Variants in CSMD2 observed in about 807,000 individuals in gnomAD.
CSMD2 encodes CUB and sushi domain-containing protein 2.
A neutral mutation model predicts 398.5 loss-of-function variants in CSMD2; 130 were observed. The ratio of observed to expected loss-of-function variants is 0.33; its 90% CI spans 0.28 to 0.38. The LOEUF (loss-of-function observed/expected upper bound fraction) is 0.38, where lower values mean the gene tolerates loss of function less well. CSMD2 is among the 10% of genes least tolerant of loss of function. The pLI, the probability that CSMD2 is intolerant of heterozygous loss-of-function variation, is 1.00. For synonymous variants in CSMD2, 1,828 were observed against 1,908.5 expected (o/e 0.96, Z 1.10); for missense variants, 3,829 against 4,764.9 (o/e 0.80, Z 5.78).
At chr1:33,818,882 A>T (rs182589335) in intron 9 of CSMD2, among the ~76,000 whole-genome samples, 1 of 152,354 alleles carries the variant, frequency 6.6e-6, no homozygotes, top group East Asian at 1.9e-4. Flanking sequence ...ATCTTGATGC[A>T]TATGCCAAAG....
At chr1:33,793,650 T>G (rs1208875708) in intron 10 of CSMD2, among the ~76,000 whole-genome samples, 1 of 151,920 alleles carries the variant, frequency 6.6e-6, no homozygotes, top group Non-Finnish European at 1.5e-5. Flanking sequence ...CATAGGTGTT[T>G]GAGAAAATGT....
At chr1:33,702,020 T>C (rs965109130) in intron 22 of CSMD2, among the ~76,000 whole-genome samples, 4 of 152,162 alleles carry the variant, frequency 2.6e-5, no homozygotes, top group African/African-American at 7.2e-5. Context: ...AGCCACTGGA[T>C]CCAATTTCCA....
rs142600085 is a variant in CSMD2, at chr1:34,031,391, T to A, written c.517+1203A>T. On this transcript the variant is annotated intron_variant, in intron 3 of 70. Transcript: ENST00000373381. ...ATCTGATCATTTTTTAAAAAGAAAT[T>A]AGGCTATTTCAGGAATCCTCACTTT... is the stretch of plus-strand genomic sequence containing the variant. Among the ~76,000 whole-genome samples the A allele has an allele frequency of 7.7e-3, 1,168 of 152,152 alleles. 41 individuals are homozygous for A. The highest frequency in any genetic ancestry group is 0.064 in the Admixed American group (981 of 15,268).
chr1:33,620,412 C>T (rs569506405), intron 37 of CSMD2, among the ~76,000 whole-genome samples: 3 of 152,166 alleles, frequency 2.0e-5, no homozygotes, highest in East Asian at 1.9e-4. Context: ...TCTGTTTCTC[C>T]GTAGCTCTTC....
chr1:33,799,973 T>C (rs1253655333), intron 10 of CSMD2, among the ~76,000 whole-genome samples: 1 of 152,228 alleles, frequency 6.6e-6, no homozygotes, highest in Non-Finnish European at 1.5e-5. Context: ...CTCTTGAAAC[T>C]GCAGGATAGA....
At chr1:33,806,111 TAATACGATACTTCTGA>T (rs1249169218) in intron 10 of CSMD2, among the ~76,000 whole-genome samples, 1 of 152,122 alleles carries the variant, frequency 6.6e-6, no homozygotes. Context: ...ATGGTGACTG[TAATACGATACTTCTGA>T]AAGAGTTGGG....
chr1:33,824,505 T>G (rs1426007481), intron 7 of CSMD2, among the ~76,000 whole-genome samples: 1 of 152,202 alleles, frequency 6.6e-6, no homozygotes, highest in Non-Finnish European at 1.5e-5. Context: ...CAACCCAGGC[T>G]CGGTTCAGTC....
At chr1:33,743,914 C>A (rs1647173011) in intron 13 of CSMD2, among the ~76,000 whole-genome samples, 2 of 152,238 alleles carry the variant, frequency 1.3e-5, no homozygotes, top group Non-Finnish European at 2.9e-5. Flanking sequence ...AAAATTATTT[C>A]TATCAATCCA....
intron 3 of CSMD2, among the ~76,000 whole-genome samples, chr1:34,022,447 T>C (rs1175834449): frequency 1.3e-5 from 2 of 152,182 alleles, no homozygotes; most frequent in African/African-American, 4.8e-5. Context: ...TTCAGTGCTC[T>C]ATTGAGCGTT....
intron 40 of CSMD2, among the ~76,000 whole-genome samples, chr1:33,612,774 C>T (rs1641099981): frequency 1.3e-5 from 2 of 151,922 alleles, no homozygotes; most frequent in Non-Finnish European, 2.9e-5. Flanking sequence ...CTCCGCCTCC[C>T]GGGTTCACAC....
intron 2 of CSMD2, among the ~76,000 whole-genome samples, chr1:34,082,401 C>A (rs957278351): frequency 3.5e-4 from 54 of 152,152 alleles, no homozygotes; most frequent in African/African-American, 1.3e-3. Flanking sequence ...CAGCAGCCGC[C>A]CCGTCTGGGA....
chr1:33,563,269 G>A (rs1003234815), intron 53 of CSMD2, among the ~76,000 whole-genome samples: 3 of 152,052 alleles, frequency 2.0e-5, no homozygotes, highest in African/African-American at 4.8e-5. Context: ...AGAAAGGGAA[G>A]GTCCATGGTA....
At chr1:33,858,431 G>T (rs1639253268) in intron 5 of CSMD2, among the ~76,000 whole-genome samples, 1 of 152,088 alleles carries the variant, frequency 6.6e-6, no homozygotes, top group Non-Finnish European at 1.5e-5. Flanking sequence ...ACCAGTAGAG[G>T]CTAAACATAT....
intron 48 of CSMD2, among the ~76,000 whole-genome samples, chr1:33,580,315 G>A (rs1638602690): frequency 6.6e-6 from 1 of 152,086 alleles, no homozygotes; most frequent in Non-Finnish European, 1.5e-5. Context: ...GTCAGTCTTT[G>A]GCCTTTTGAT....
chr1:33,557,635 C>CACACACACACAT, intron 55 of CSMD2, 99 bp downstream of exon 55: 1 of 991,900 alleles, frequency 1.0e-6, no homozygotes, highest in South Asian at 1.6e-5. Flanking sequence ...CACACACACA[C>CACACACACACAT]ACACACACAC....
chr1:34,066,794 T>G (rs1655166679), intron 2 of CSMD2, among the ~76,000 whole-genome samples: 1 of 152,146 alleles, frequency 6.6e-6, no homozygotes, highest in African/African-American at 2.4e-5. Context: ...TGCCGCTCTC[T>G]GGGAAAGATG....
At chr1:33,866,253 A>G (rs889041478) in intron 5 of CSMD2, among the ~76,000 whole-genome samples, 1 of 152,254 alleles carries the variant, frequency 6.6e-6, no homozygotes, top group Non-Finnish European at 1.5e-5. Flanking sequence ...TGCTGGGTAC[A>G]GGGAGGCACA....
chr1:34,124,114 CAG>C (rs1558424197), intron 1 of CSMD2, among the ~76,000 whole-genome samples: 1 of 152,170 alleles, frequency 6.6e-6, no homozygotes, highest in Non-Finnish European at 1.5e-5. Context: ...AAATCCAAAA[CAG>C]AAATTCCATG....
chr1:33,699,008 T>G, intron 23 of CSMD2, 64 bp from the exon 24 acceptor site: 23 of 1,414,064 alleles, frequency 1.6e-5, no homozygotes, highest in East Asian at 7.1e-5. Flanking sequence ...GCTTCCTCTC[T>G]TCCCTCAAAG....
Sources: allele counts gnomAD v4.1 joint callset (sites outside exome capture counted in the v4.1 genomes callset), GRCh38; gene constraint gnomAD v4.1.1; transcripts MANE v1.5; gene names NCBI Gene and HGNC (gene_info 2026-07-23, HGNC 2026-07-21).